Variants in TMEM143 observed in about 807,000 individuals in gnomAD.
TMEM143 encodes transmembrane protein 143.
Under a neutral mutation model 40.3 loss-of-function variants are expected in TMEM143, and 45 were observed. That is an observed-to-expected ratio of 1.12 (90% CI 0.88 to 1.43). TMEM143 has a LOEUF of 1.43. TMEM143 is among the 40% of genes most tolerant of loss of function. The pLI, the probability that TMEM143 is intolerant of heterozygous loss-of-function variation, is 0.00. For missense variants in TMEM143, 620 were observed against 613.4 expected (o/e 1.01, Z -0.11); for synonymous variants, 299 against 282.7 (o/e 1.06, Z -0.58).
intron 6 of TMEM143, among the ~76,000 whole-genome samples, chr19:48,341,498 C>A (rs1466131151): frequency 6.6e-6 from 1 of 152,184 alleles, no homozygotes; most frequent in Non-Finnish European, 1.5e-5. Flanking sequence ...GATACCCAGT[C>A]AGGATGGGGA....
In TMEM143 at chr19:48,343,423, T is replaced by C; in HGVS notation, c.593A>G (p.Tyr198Cys). The C allele has an allele frequency of 1.3e-6, 2 of 1,586,596 alleles. No homozygotes were observed. The highest frequency in any genetic ancestry group is 1.7e-6 in the Non-Finnish European group (2 of 1,165,996). Residue 198 changes from tyrosine to cysteine, a missense_variant, in exon 5 of 8, where the codon TAC becomes TGC. Physicochemically the swap from Tyr to Cys is radical, Grantham distance 194 (BLOSUM62 -2). Transcript: ENST00000293261. ...CTGGCCCAGGGCCCAGAAGTGAATG[T>C]AGACATACTGATCCAAATTTACTGT... The part of the protein sequence containing the change: ...QVTVNLDQYV[Y>C]IHFWALGQRV...
intron 3 of TMEM143, among the ~76,000 whole-genome samples, chr19:48,349,997 A>ATTTTTT (rs71181679): frequency 3.7e-5 from 4 of 109,018 alleles, no homozygotes; most frequent in Non-Finnish European, 5.2e-5. Flanking sequence ...TCTACATTTA[A>ATTTTTT]TTTTTTTTTT....
At chr19:48,360,276 G>C in intron 2 of TMEM143, 100 bp from the exon 3 acceptor site, 2 of 1,232,364 alleles carry the variant, frequency 1.6e-6, no homozygotes. Flanking sequence ...CAGAGCTCTG[G>C]ACTTTGAAGT....
chr19:48,358,858 G>A (rs1345309022), intron 3 of TMEM143, among the ~76,000 whole-genome samples: 2 of 152,094 alleles, frequency 1.3e-5, no homozygotes, highest in South Asian at 2.1e-4. Flanking sequence ...CATGGCTCCC[G>A]GCTCACTCAG....
At chr19:48,334,584 CCTTTTT>C (rs1163444656) in intron 6 of TMEM143, among the ~76,000 whole-genome samples, 1 of 108,578 alleles carries the variant, frequency 9.2e-6, no homozygotes, top group African/African-American at 3.4e-5. Flanking sequence ...TCTTTTCTTT[CCTTTTT>C]TTTTTTTTTT....
At chr19:48,352,026 T>A (rs1258862043) in intron 3 of TMEM143, among the ~76,000 whole-genome samples, 2 of 151,424 alleles carry the variant, frequency 1.3e-5, no homozygotes, top group Non-Finnish European at 2.9e-5. Flanking sequence ...GGCGGGCGGA[T>A]CACGAGTTCA....
rs73942241 is a variant in TMEM143, at chr19:48,341,802, C to T, written c.975+728G>A. 3.9e-3 allele frequency among the ~76,000 whole-genome samples: 593 copies of T among 152,114 alleles called. 3 individuals are homozygous for T. Among genetic ancestry groups the T allele is most frequent in the African/African-American group, 0.011 (463 of 41,498 alleles). On this transcript the variant is annotated intron_variant, in intron 6 of 7. Transcript: ENST00000293261. ...TGCTTCCAGAACACACCCCCTTCAC[C>T]GCATCACTAAAGCGCCCCTAAAGCC...
At chr19:48,360,661 A>G (rs1833245389) in intron 2 of TMEM143, 1 of 158,278 alleles carries the variant, frequency 6.3e-6, no homozygotes, top group African/African-American at 2.4e-5. Flanking sequence ...TATAGTGAAA[A>G]ACTATACTGG....
chr19:48,358,696 C>A (rs10404550), intron 3 of TMEM143, among the ~76,000 whole-genome samples: 1,921 of 152,318 alleles, frequency 0.013, 43 homozygotes, highest in African/African-American at 0.044. Flanking sequence ...TTACCCTTGT[C>A]GGAGCTTCCA....
intron 2 of TMEM143, among the ~76,000 whole-genome samples, 186 bp downstream of exon 2, chr19:48,363,105 G>T (rs1445712320): frequency 6.6e-6 from 1 of 152,216 alleles, no homozygotes; most frequent in Non-Finnish European, 1.5e-5. Flanking sequence ...TGCTGCGTCT[G>T]CATCTCGGAG....
chr19:48,363,390 GC>G lies in TMEM143; in HGVS notation c.164del (p.Arg55ProfsTer32), dbSNP rs764066562. The G allele has an allele frequency of 1.9e-6, 3 of 1,614,194 alleles. No individual in the cohort carries two copies. The highest frequency in any genetic ancestry group is 3.3e-5 in the Admixed American group (2 of 60,030). Reference protein sequence around the residue: ...SSLAAKMGEYRKMWNPREPRD... With the variant: ...SSLAAKMGEYXKMWNPREPRD... ...GGGGCTCCCTGGGGTTCCACATCTT[GC>G]GATACTCCCCCATTTTGGCTGCCAG... On this transcript the variant is annotated frameshift_variant, in exon 2 of 8. Coordinates refer to ENST00000293261, the MANE Select transcript of TMEM143 (RefSeq NM_018273.4). LOFTEE classifies it high-confidence loss of function.
At position 48,363,910 on chromosome 19, in the gene TMEM143, T is replaced by G. The variant is rs1397691625; in HGVS notation, c.11A>C (p.Glu4Ala). 8.7e-6 allele frequency: 14 copies of G among 1,613,680 alleles called. No individual in the cohort carries two copies. Among genetic ancestry groups the G allele is most frequent in the East Asian group, 2.2e-5 (1 of 44,886 alleles). Residue 4 changes from glutamate (E) to alanine (A), a missense_variant, in exon 1 of 8, where the codon GAG (glutamate) becomes GCG (alanine). Transcript: ENST00000293261. ...ATTTCTCCCTCACCTTAGCCAAAGCTCGACTGTCATTGAGCCTCCTGCGCA... is the reference window on the plus strand; with the variant it reads ...ATTTCTCCCTCACCTTAGCCAAAGCGCGACTGTCATTGAGCCTCCTGCGCA... MTV[E>A]LWLRLRGKGL...
chr19:48,333,413 AC>A lies in TMEM143; in HGVS notation c.1185del (p.Ser396ArgfsTer8), dbSNP rs2147350157. 2 of 1,599,564 alleles carry A rather than the reference AC, an allele frequency of 1.3e-6. No homozygotes were observed. Among genetic ancestry groups the A allele is most frequent in the East Asian group, 4.5e-5 (2 of 44,586 alleles). On this transcript the variant is annotated frameshift_variant, in exon 8 of 8. Transcript: ENST00000293261. LOFTEE classifies it low-confidence loss of function (END_TRUNC). The surrounding 1 kb of genome is among the most constrained non-coding windows in gnomAD (Gnocchi z 4.1). ...GCTAGGAGCCAGTTCTCCACCTCCG[AC>A]CGGAGCCACCTGGAGGTCTCTGCAA... The part of the protein sequence containing the change: ...GSPEETSRWL[R>X]SEVENWLLAK...
At chr19:48,340,151 G>A (rs1969458900) in intron 6 of TMEM143, among the ~76,000 whole-genome samples, 1 of 128,606 alleles carries the variant, frequency 7.8e-6, no homozygotes, top group Admixed American at 8.5e-5. Flanking sequence ...TTTTGAGATG[G>A]AGTCTCACTG....
chr19:48,352,332 C>G (rs1706416370), intron 3 of TMEM143, among the ~76,000 whole-genome samples: 2 of 148,230 alleles, frequency 1.3e-5, no homozygotes, highest in African/African-American at 4.9e-5. Context: ...GAGACAGGGT[C>G]TAGCCCTGTC....
rs999453834 is a variant in TMEM143, at chr19:48,363,272, G to A, written c.264+19C>T. Reference sequence around the variant, plus strand: ...GGGAGCCGTAGTCCCCAGGCTCTTGGGCCTGGGACAGGCGGTACCTGTATT... The same window carrying A: ...GGGAGCCGTAGTCCCCAGGCTCTTGAGCCTGGGACAGGCGGTACCTGTATT... On this transcript the variant is annotated intron_variant, in intron 2 of 7. Transcript: ENST00000293261. The A allele has an allele frequency of 1.5e-5, 24 of 1,604,564 alleles. No homozygotes were observed. The East Asian group carries it at 5.1e-4, about 34-fold the overall frequency.
chr19:48,343,217 C>G (rs1216975555), intron 5 of TMEM143, 104 bp downstream of exon 5: 1 of 1,428,742 alleles, frequency 7.0e-7, no homozygotes, highest in Non-Finnish European at 9.3e-7. Context: ...TCTCAACTTC[C>G]CGCCTGGGGC....
intron 5 of TMEM143, 124 bp downstream of exon 5, chr19:48,343,197 G>A (rs779650961): frequency 8.9e-6 from 11 of 1,238,202 alleles, no homozygotes; most frequent in Admixed American, 5.4e-5. Flanking sequence ...GATGAGTCAC[G>A]CCTCCCATTT....
At chr19:48,362,257 T>C (rs1970058606) in intron 2 of TMEM143, among the ~76,000 whole-genome samples, 1 of 152,092 alleles carries the variant, frequency 6.6e-6, no homozygotes, top group Non-Finnish European at 1.5e-5. Flanking sequence ...TAATGAATGA[T>C]GGTGAGGTGT....
Sources: allele counts gnomAD v4.1 joint callset (sites outside exome capture counted in the v4.1 genomes callset), GRCh38; gene constraint gnomAD v4.1.1; non-coding constraint Gnocchi (gnomAD v3.1); transcripts MANE v1.5; gene names NCBI Gene and HGNC (gene_info 2026-07-23, HGNC 2026-07-21).